The following TMEM132D variants were observed in gnomAD, a reference collection of about 807,000 sequenced individuals.
TMEM132D encodes the protein transmembrane protein 132D.
Under a neutral mutation model 62.3 loss-of-function variants are expected in TMEM132D, and 21 were observed. That is an observed-to-expected ratio of 0.34 (90% CI 0.24 to 0.49). TMEM132D has a LOEUF of 0.49. Among genes scored for constraint, TMEM132D ranks in the 20% least tolerant of loss-of-function variants. TMEM132D has a pLI of 0.99. For missense variants in TMEM132D, 1,346 were observed against 1,402.8 expected, an observed-to-expected ratio of 0.96 and a Z score of 0.65; for synonymous variants, 621 against 575.6, an observed-to-expected ratio of 1.08 and a Z score of -1.13.
chr12:129,616,591 T>C (rs774442289), intron 2 of TMEM132D, among the ~76,000 whole-genome samples: 1 of 152,198 alleles, frequency 6.6e-6, no homozygotes, highest in African/African-American at 2.4e-5. Context: ...ATTCTTGTGA[T>C]AGTGAGTGAA....
chr12:129,295,047 T>A (rs1881534460), intron 4 of TMEM132D, among the ~76,000 whole-genome samples: 1 of 152,192 alleles, frequency 6.6e-6, no homozygotes, highest in South Asian at 2.1e-4. Flanking sequence ...CCCTCCATAA[T>A]GTGGGTGGGC....
In TMEM132D at chr12:129,260,765, AT is replaced by A. The variant is rs900867033; in HGVS notation, c.1300-51103del. On this transcript the variant is annotated intron_variant, in intron 4 of 8. Transcript: ENST00000422113. ...TCACTTATAAGAGAGAACATATGATATTTGGTTTTCCATTTCTGAGCTACTT... is the reference window on the plus strand; with the variant it reads ...TCACTTATAAGAGAGAACATATGATATTGGTTTTCCATTTCTGAGCTACTT... 2.0e-5 allele frequency among the ~76,000 whole-genome samples: 3 copies of A among 152,008 alleles called. No homozygotes were observed. In the Admixed American group the frequency reaches 2.0e-4, roughly 10 times the overall value.
At chr12:129,454,462 G>A (rs1029381301) in intron 3 of TMEM132D, among the ~76,000 whole-genome samples, 1 of 152,162 alleles carries the variant, frequency 6.6e-6, no homozygotes, top group Non-Finnish European at 1.5e-5. Context: ...GCTGTAACTG[G>A]CTTTAAGAAG....
At chr12:129,692,434 G>C (rs746534632) in intron 2 of TMEM132D, among the ~76,000 whole-genome samples, 1 of 152,152 alleles carries the variant, frequency 6.6e-6, no homozygotes, top group Non-Finnish European at 1.5e-5. Context: ...TGTAGGTGCT[G>C]CACATTAGAT....
chr12:129,333,699 C>T (rs1869186551), intron 4 of TMEM132D, among the ~76,000 whole-genome samples: 1 of 152,216 alleles, frequency 6.6e-6, no homozygotes, highest in African/African-American at 2.4e-5. Context: ...GAATAGCTCA[C>T]TCTCTCCAGC....
chr12:129,287,672 T>C (rs527767313), intron 4 of TMEM132D, among the ~76,000 whole-genome samples: 2 of 152,322 alleles, frequency 1.3e-5, no homozygotes, highest in Non-Finnish European at 1.5e-5. Context: ...ACAGGACATA[T>C]TGGCATCATA....
intron 2 of TMEM132D, among the ~76,000 whole-genome samples, chr12:129,532,068 AT>A (rs1876242884): frequency 6.6e-6 from 1 of 152,170 alleles, no homozygotes; most frequent in South Asian, 2.1e-4. Flanking sequence ...AAGAAAAATA[AT>A]AATAAATAAA....
intron 3 of TMEM132D, among the ~76,000 whole-genome samples, chr12:129,512,107 C>G (rs1015135953): frequency 1.3e-5 from 2 of 152,160 alleles, no homozygotes; most frequent in East Asian, 1.9e-4. Context: ...ATGGTAGCTA[C>G]TCAAATAATT....
chr12:129,394,015 C>T (rs1264279028), intron 3 of TMEM132D, among the ~76,000 whole-genome samples: 2 of 152,142 alleles, frequency 1.3e-5, no homozygotes, highest in Non-Finnish European at 2.9e-5. Context: ...TTTAAAAAAG[C>T]AACGATGTTT....
intron 1 of TMEM132D, among the ~76,000 whole-genome samples, chr12:129,873,046 C>A (rs1301963078): frequency 1.3e-5 from 2 of 152,074 alleles, no homozygotes; most frequent in Non-Finnish European, 2.9e-5. Flanking sequence ...GTTGAAAGAC[C>A]CTGAGCAAGT....
chr12:129,395,140 T>C (rs1871387041), intron 3 of TMEM132D, among the ~76,000 whole-genome samples: 2 of 152,148 alleles, frequency 1.3e-5, no homozygotes, highest in Non-Finnish European at 2.9e-5. Context: ...AAAGAGAAAT[T>C]AATTTTCATT....
At position 129,072,092 on chromosome 12, in the gene TMEM132D, A is replaced by T. The variant is rs140197268; in HGVS notation, c.*1783T>A. The T allele has an allele frequency of 1.1e-4, 17 of 152,334 alleles. No individual in the cohort carries two copies. Among genetic ancestry groups the T allele is most frequent in the African/African-American group, 4.1e-4 (17 of 41,540 alleles). The allele number at this position is 152,334 out of a possible 1,614,324, so 9.4% of individuals were successfully genotyped here. On this transcript the variant is annotated 3_prime_UTR_variant, in exon 9 of 9. Coordinates refer to ENST00000422113, the MANE Select transcript of TMEM132D (RefSeq NM_133448.3). ...TTTACACACACATGATCTAAAGAGA[A>T]TTCAATTCTATGGAGAGGAAGAAGG...
intron 5 of TMEM132D, among the ~76,000 whole-genome samples, chr12:129,094,970 G>T (rs1432862571): frequency 1.0e-4 from 14 of 139,698 alleles, no homozygotes; most frequent in Non-Finnish European, 1.7e-4. Flanking sequence ...CTCATAGGTG[G>T]GAATTGAACA....
chr12:129,412,316 A>G lies in TMEM132D; in HGVS notation c.1116-74499T>C, dbSNP rs139757057. On this transcript the variant is annotated intron_variant, in intron 3 of 8. Coordinates refer to ENST00000422113, the MANE Select transcript of TMEM132D (RefSeq NM_133448.3). The stretch of plus-strand genomic sequence containing the variant: ...AGAAGGCATCGCTAGCTGTCTATGC[A>G]AAATCCATTTTCTTATTTTCCCCTT... 4.6e-5 allele frequency among the ~76,000 whole-genome samples: 7 copies of G among 152,340 alleles called. No homozygotes were observed. In the East Asian group the frequency reaches 1.4e-3, roughly 29 times the overall value.
At chr12:129,464,258 C>A (rs1489196687) in intron 3 of TMEM132D, among the ~76,000 whole-genome samples, 4 of 152,138 alleles carry the variant, frequency 2.6e-5, no homozygotes, top group Non-Finnish European at 2.9e-5. Flanking sequence ...TGTCTTTTGG[C>A]TGCATAAATA....
intron 4 of TMEM132D, among the ~76,000 whole-genome samples, chr12:129,302,290 G>C (rs1208549991): frequency 6.6e-6 from 1 of 152,088 alleles, no homozygotes; most frequent in African/African-American, 2.4e-5. Flanking sequence ...AATTTTTGTA[G>C]TTTTCGTAGA....
intron 4 of TMEM132D, among the ~76,000 whole-genome samples, chr12:129,294,315 A>T (rs897429917): frequency 1.3e-5 from 2 of 152,182 alleles, no homozygotes; most frequent in African/African-American, 4.8e-5. Flanking sequence ...ATATGTTATA[A>T]AGTGAAACAA....
intron 1 of TMEM132D, among the ~76,000 whole-genome samples, chr12:129,769,252 C>A (rs112878603): frequency 2.6e-5 from 4 of 152,230 alleles, no homozygotes; most frequent in African/African-American, 7.2e-5. Flanking sequence ...AGAGGTTGAA[C>A]GACTCACAGT....
At chr12:129,338,649 G>A (rs568446816) in intron 3 of TMEM132D, among the ~76,000 whole-genome samples, 5 of 152,246 alleles carry the variant, frequency 3.3e-5, no homozygotes, top group East Asian at 1.9e-4. Context: ...AGAGGAATCC[G>A]CTGAGAGAGG....
Sources: gnomAD v4.1 joint callset for allele counts (sites outside exome capture counted in the v4.1 genomes callset) on GRCh38, gnomAD v4.1.1 for gene constraint, MANE v1.5 for transcripts, NCBI Gene and HGNC (gene_info 2026-07-23, HGNC 2026-07-21) for gene names.